ST13: variants seen among roughly 807,000 people sequenced by gnomAD.
ST13 encodes hsc70-interacting protein.
A neutral mutation model predicts 56.7 loss-of-function variants in ST13; 23 were observed. The observed-to-expected ratio is 0.41, with a 90% CI of 0.29 to 0.57. The LOEUF is 0.57. Ranked by LOEUF, ST13 falls within the 20% of genes least tolerant of loss-of-function variation. The pLI is 0.36. For missense variants in ST13, 369 were observed against 459.9 expected, an observed-to-expected ratio of 0.80 and a Z score of 1.81; for synonymous variants, 132 against 142.4, an observed-to-expected ratio of 0.93 and a Z score of 0.52.
chr22:40,846,795 C>T (rs1201907710), intron 3 of ST13, among the ~76,000 whole-genome samples: 1 of 152,072 alleles, frequency 6.6e-6, no homozygotes, highest in African/African-American at 2.4e-5. Flanking sequence ...GAGTTTGAGA[C>T]CAGCCTGGCC....
intron 1 of ST13, among the ~76,000 whole-genome samples, chr22:40,851,790 G>A (rs1300857093): frequency 6.7e-6 from 1 of 149,518 alleles, no homozygotes; most frequent in African/African-American, 2.5e-5. Context: ...CTGTCACCCA[G>A]GCTGGAGTGC....
intron 1 of ST13, among the ~76,000 whole-genome samples, chr22:40,852,931 T>C (rs2057869226): frequency 6.6e-6 from 1 of 152,206 alleles, no homozygotes; most frequent in Non-Finnish European, 1.5e-5. Flanking sequence ...CATCCAGACA[T>C]AGTATAACTT....
intron 7 of ST13, among the ~76,000 whole-genome samples, chr22:40,833,046 CAT>C (rs939022803): frequency 1.3e-5 from 2 of 152,120 alleles, no homozygotes; most frequent in African/African-American, 4.8e-5. Flanking sequence ...GAAAATAATA[CAT>C]GTGTACAGGC....
intron 5 of ST13, among the ~76,000 whole-genome samples, chr22:40,840,296 T>C (rs902863662): frequency 3.3e-5 from 5 of 152,160 alleles, no homozygotes; most frequent in African/African-American, 1.2e-4. Flanking sequence ...GTCAAGGGTA[T>C]TAGTATGTAA....
At position 40,847,787 on chromosome 22, in the gene ST13, G is replaced by A. The variant is rs955551893; in HGVS notation, c.244+507C>T. Reference sequence around the variant, plus strand: ...ATTGAGGCCAGGTGCAGTGGCTCACGCCTGTAATCTCAGCACTTTGGGAGG... The same window carrying A: ...ATTGAGGCCAGGTGCAGTGGCTCACACCTGTAATCTCAGCACTTTGGGAGG... On this transcript the variant is annotated intron_variant, in intron 3 of 11. Transcript: ENST00000216218. Among the ~76,000 whole-genome samples the A allele has an allele frequency of 2.0e-5, 3 of 152,036 alleles. 1 individual carries two copies. The highest frequency in any genetic ancestry group is 4.2e-4 in the South Asian group (2 of 4,810).
At chr22:40,838,655 G>A (rs2057788460) in intron 5 of ST13, among the ~76,000 whole-genome samples, 1 of 151,732 alleles carries the variant, frequency 6.6e-6, no homozygotes, top group African/African-American at 2.4e-5. Flanking sequence ...CACCTGTATT[G>A]CCAGCTACTC....
chr22:40,847,128 AAACC>A (rs1397261434), intron 3 of ST13, among the ~76,000 whole-genome samples: 1 of 152,234 alleles, frequency 6.6e-6, no homozygotes, highest in Non-Finnish European at 1.5e-5. Context: ...TGTGGCCAAA[AAACC>A]AACCAAACTC....
At chr22:40,831,007 A>T (rs2057751390) in intron 8 of ST13, 51 bp from the exon 9 acceptor site, 1 of 1,109,828 alleles carries the variant, frequency 9.0e-7, no homozygotes, top group East Asian at 2.3e-5. Context: ...GCTGAATAAC[A>T]TCAACACAAA....
intron 8 of ST13, 93 bp downstream of exon 8, chr22:40,832,476 C>T: frequency 6.6e-6 from 6 of 908,810 alleles, no homozygotes; most frequent in African/African-American, 1.6e-5. Flanking sequence ...GTTTCTTTGC[C>T]TGTTTTTCAG....
At chr22:40,848,969 A>T (rs1323151182) in intron 2 of ST13, among the ~76,000 whole-genome samples, 1 of 152,204 alleles carries the variant, frequency 6.6e-6, no homozygotes, top group Non-Finnish European at 1.5e-5. Flanking sequence ...ATAGAAAGCA[A>T]CACTTTCTTC....
chr22:40,837,312 A>AT (rs966906904), intron 5 of ST13, among the ~76,000 whole-genome samples: 1 of 152,006 alleles, frequency 6.6e-6, no homozygotes, highest in Non-Finnish European at 1.5e-5. Context: ...CAAAACCTAA[A>AT]TTTTTTTTAT....
chr22:40,843,280 C>T (rs2057813534), intron 4 of ST13, among the ~76,000 whole-genome samples: 2 of 152,042 alleles, frequency 1.3e-5, no homozygotes, highest in South Asian at 2.1e-4. Flanking sequence ...TAACACAATT[C>T]TAACAAAGGG....
At chr22:40,834,533 G>C (rs1182993872) in intron 7 of ST13, among the ~76,000 whole-genome samples, 1 of 152,012 alleles carries the variant, frequency 6.6e-6, no homozygotes, top group Non-Finnish European at 1.5e-5. Context: ...ACAATTTCAA[G>C]AATTTTTTCC....
Position 40,856,488 on chromosome 22 carries a change from T to C in ST13, c.53A>G (p.Gln18Arg), listed in dbSNP as rs1380159201. The C allele has an allele frequency of 1.2e-6, 2 of 1,613,532 alleles. No homozygotes were observed. The highest frequency in any genetic ancestry group is 1.7e-6 in the Non-Finnish European group (2 of 1,179,738). The change falls in exon 1 of 12, where the codon CAG becomes CGG. Residue 18 changes from glutamine (Q) to arginine (R), a missense_variant. Physicochemically the swap from Gln to Arg is conservative, Grantham distance 43. Transcript: ENST00000216218. ...CTCGGTGTGCAGAACGCTCGGATCCTGCTTACACATTTTCACAAAGGCCCG... is the reference window on the plus strand; with the variant it reads ...CTCGGTGTGCAGAACGCTCGGATCCCGCTTACACATTTTCACAAAGGCCCG... The part of the protein sequence containing the change: ...ELRAFVKMCK[Q>R]DPSVLHTEEM...
At chr22:40,853,183 C>G (rs1294121270) in intron 1 of ST13, among the ~76,000 whole-genome samples, 1 of 152,100 alleles carries the variant, frequency 6.6e-6, no homozygotes, top group Admixed American at 6.5e-5. Context: ...ATAAATGCAT[C>G]AGCATTAGTT....
chr22:40,843,310 G>A (rs1050876470), intron 4 of ST13, among the ~76,000 whole-genome samples: 7 of 152,072 alleles, frequency 4.6e-5, no homozygotes, highest in African/African-American at 7.2e-5. Context: ...CAATGGAAGC[G>A]GGGAGACTTG....
At chr22:40,832,478 G>T in intron 8 of ST13, 91 bp downstream of exon 8, 1 of 936,454 alleles carries the variant, frequency 1.1e-6, no homozygotes. Context: ...TTCTTTGCCT[G>T]TTTTTCAGAT....
chr22:40,832,144 G>C (rs768135989), intron 8 of ST13: 3 of 469,402 alleles, frequency 6.4e-6, no homozygotes, highest in Non-Finnish European at 1.3e-5. Flanking sequence ...ATGAGCCACC[G>C]CGCCTGGCCG....
At chr22:40,841,671 A>G (rs2057805136) in intron 4 of ST13, among the ~76,000 whole-genome samples, 1 of 152,158 alleles carries the variant, frequency 6.6e-6, no homozygotes, top group Non-Finnish European at 1.5e-5. Flanking sequence ...CAGTGGTGCA[A>G]TCACGGTTCA....
Sources: gnomAD v4.1 joint callset for allele counts (sites outside exome capture counted in the v4.1 genomes callset) on GRCh38, gnomAD v4.1.1 for gene constraint, MANE v1.5 for transcripts, NCBI Gene and HGNC (gene_info 2026-07-23, HGNC 2026-07-21) for gene names.